Variants in RBFOX1 observed in about 807,000 individuals in gnomAD.
RBFOX1 encodes RNA binding fox-1 homolog 1, also known as RNA binding protein fox-1 homolog 1.
RBFOX1 carries 8 observed loss-of-function variants against 57.7 expected under a neutral mutation model. That is an observed-to-expected ratio of 0.14 (90% CI 0.08 to 0.25). The LOEUF (loss-of-function observed/expected upper bound fraction) is 0.25. Among genes scored for constraint, RBFOX1 ranks in the 10% least tolerant of loss-of-function variants. The probability of loss-of-function intolerance (pLI) is 1.00; values close to 1 mark genes in which losing one functional copy is unlikely to be tolerated. For missense variants in RBFOX1, 611 were observed against 548.5 expected (o/e 1.11, Z -1.14); for synonymous variants, 326 against 222.4 (o/e 1.47, Z -4.15).
chr16:6,808,617 G>A (rs771537620), intron 3 of RBFOX1, among the ~76,000 whole-genome samples: 3 of 152,096 alleles, frequency 2.0e-5, no homozygotes, highest in Non-Finnish European at 4.4e-5. Flanking sequence ...TTATTTTAAT[G>A]TAAATTTTGA....
intron 3 of RBFOX1, among the ~76,000 whole-genome samples, chr16:5,652,442 A>T (rs1391111580): frequency 6.6e-6 from 1 of 152,142 alleles, no homozygotes; most frequent in Non-Finnish European, 1.5e-5. Context: ...GTTGGAAGGG[A>T]AGCCTGTATC....
rs148209860 is a variant in RBFOX1, at chr16:6,776,582, A to G, written c.-16+121932A>G. ...CATGGTTGACACTGTTTGTTGGATG[A>G]TTTGGACATTTGGAGCCTCTCTATG... On this transcript the variant is annotated intron_variant, in intron 3 of 15. Coordinates refer to ENST00000550418, the MANE Select transcript of RBFOX1 (RefSeq NM_018723.4). Among the ~76,000 whole-genome samples the G allele has an allele frequency of 5.7e-3, 862 of 152,246 alleles. 12 individuals are homozygous for G. The highest frequency in any genetic ancestry group is 0.02 in the African/African-American group (823 of 41,544).
At chr16:7,486,183 C>T (rs1043208574) in intron 4 of RBFOX1, among the ~76,000 whole-genome samples, 7 of 125,964 alleles carry the variant, frequency 5.6e-5, no homozygotes, top group Admixed American at 5.3e-4. Context: ...AGTGCAGTGG[C>T]GTGATCTCAG....
intron 4 of RBFOX1, among the ~76,000 whole-genome samples, chr16:5,981,973 T>A (rs1596338681): frequency 6.6e-6 from 1 of 152,176 alleles, no homozygotes; most frequent in East Asian, 1.9e-4. Context: ...GTGCCAAGAA[T>A]GAAAAACGCT....
At chr16:5,787,306 T>G (rs1244257081) in intron 3 of RBFOX1, among the ~76,000 whole-genome samples, 4 of 152,132 alleles carry the variant, frequency 2.6e-5, no homozygotes, top group Non-Finnish European at 5.9e-5. Context: ...ATCAGAGGTG[T>G]CCTCCAGTGC....
chr16:6,590,727 C>T (rs1030497493), intron 2 of RBFOX1, among the ~76,000 whole-genome samples: 8 of 152,122 alleles, frequency 5.3e-5, no homozygotes, highest in African/African-American at 1.9e-4. Flanking sequence ...TATTGACGGT[C>T]GTACATTTCC....
intron 2 of RBFOX1, among the ~76,000 whole-genome samples, chr16:6,571,842 A>G (rs1009871074): frequency 1.7e-4 from 26 of 151,722 alleles, no homozygotes; most frequent in African/African-American, 5.9e-4. Flanking sequence ...AGTCATTATC[A>G]TGAGTGGTTT....
rs115656919 is a variant in RBFOX1, at chr16:5,636,570, G to C, written c.318+37609G>C. ...AGGGTTGTCATGTTTTTCTGACTGGGATATCAAGATTTTATTGGCTCATGA... is the reference window on the plus strand; with the variant it reads ...AGGGTTGTCATGTTTTTCTGACTGGCATATCAAGATTTTATTGGCTCATGA... On this transcript the variant is annotated intron_variant, in intron 3 of 19. Coordinates refer to the RBFOX1 transcript ENST00000641259. Among the ~76,000 whole-genome samples the C allele has an allele frequency of 2.0e-5, 3 of 152,220 alleles. No homozygotes were observed. In the South Asian group the frequency reaches 6.2e-4, roughly 32 times the overall value.
chr16:7,214,916 T>G (rs2091777799), intron 4 of RBFOX1, among the ~76,000 whole-genome samples: 1 of 152,174 alleles, frequency 6.6e-6, no homozygotes, highest in Non-Finnish European at 1.5e-5. Flanking sequence ...TACTTTAAGT[T>G]CTCGGACACA....
In RBFOX1 at chr16:7,198,956, G is replaced by A. The variant is rs144401619; in HGVS notation, c.27+146858G>A. The stretch of plus-strand genomic sequence containing the variant: ...GAACCATGCTTGCAGGAGAACCCCT[G>A]AAATCAACCCTTAGAGAAATGGTGT... On this transcript the variant is annotated intron_variant, in intron 4 of 15. Transcript: ENST00000550418. Among the ~76,000 whole-genome samples the A allele has an allele frequency of 5.3e-5, 8 of 152,296 alleles. No homozygotes were observed. The South Asian group carries it at 6.2e-4, about 12-fold the overall frequency.
At chr16:5,670,041 A>T (rs1453840747) in intron 3 of RBFOX1, among the ~76,000 whole-genome samples, 1 of 152,220 alleles carries the variant, frequency 6.6e-6, no homozygotes, top group African/African-American at 2.4e-5. Flanking sequence ...TAAAATGTAG[A>T]TGAACCTTGA....
At chr16:6,878,995 A>G (rs1603635726) in intron 3 of RBFOX1, among the ~76,000 whole-genome samples, 1 of 152,162 alleles carries the variant, frequency 6.6e-6, no homozygotes, top group East Asian at 1.9e-4. Flanking sequence ...AGGTCATGCA[A>G]ATGCTAATAA....
intron 4 of RBFOX1, among the ~76,000 whole-genome samples, chr16:7,123,047 T>G (rs1475987370): frequency 6.0e-5 from 9 of 150,202 alleles, no homozygotes; most frequent in African/African-American, 2.2e-4. Context: ...GATTAGGGGT[T>G]GGGGGGAGGG....
At chr16:5,993,065 A>C (rs570056886) in intron 4 of RBFOX1, among the ~76,000 whole-genome samples, 58 of 152,312 alleles carry the variant, frequency 3.8e-4, no homozygotes, top group African/African-American at 1.3e-3. Context: ...GCTTACCCAC[A>C]GGCCCTCTCA....
At chr16:5,982,512 G>A (rs1036658718) in intron 4 of RBFOX1, among the ~76,000 whole-genome samples, 1 of 152,110 alleles carries the variant, frequency 6.6e-6, no homozygotes, top group Non-Finnish European at 1.5e-5. Context: ...CTGACCTCAG[G>A]TGATCCGCCT....
chr16:6,219,080 G>C (rs1567704551), intron 1 of RBFOX1, among the ~76,000 whole-genome samples: 2 of 152,078 alleles, frequency 1.3e-5, no homozygotes. Context: ...CATTAAGAGG[G>C]GCAATAAAAA....
intron 12 of RBFOX1, among the ~76,000 whole-genome samples, chr16:7,661,946 C>T (rs1036210952): frequency 1.3e-5 from 2 of 152,170 alleles, no homozygotes; most frequent in African/African-American, 4.8e-5. Context: ...CATGTTCTTT[C>T]CTCACCTCTG....
intron 2 of RBFOX1, among the ~76,000 whole-genome samples, chr16:6,461,766 C>G (rs995130612): frequency 5.3e-5 from 8 of 152,062 alleles, no homozygotes; most frequent in Non-Finnish European, 1.0e-4. Context: ...GAATGGAGGG[C>G]TGTTCTGTTT....
intron 4 of RBFOX1, among the ~76,000 whole-genome samples, chr16:7,360,016 C>T (rs1190182148): frequency 6.6e-6 from 1 of 151,624 alleles, no homozygotes; most frequent in African/African-American, 2.4e-5. Flanking sequence ...AACAAAAAAA[C>T]CACTCTGGAA....
Sources: allele counts gnomAD v4.1 joint callset (sites outside exome capture counted in the v4.1 genomes callset), GRCh38; gene constraint gnomAD v4.1.1; transcripts MANE v1.5; gene names NCBI Gene and HGNC (gene_info 2026-07-23, HGNC 2026-07-21).